The following MGLL variants were observed in gnomAD, a reference collection of about 807,000 sequenced individuals.
The protein encoded by MGLL is lysophospholipase homolog.
MGLL carries 7 observed loss-of-function variants against 29.1 expected under a neutral mutation model. The ratio of observed to expected loss-of-function variants is 0.24; its 90% CI spans 0.14 to 0.45. The LOEUF (loss-of-function observed/expected upper bound fraction) is 0.45. Ranked by LOEUF, MGLL falls within the 20% of genes least tolerant of loss-of-function variation. MGLL has a pLI of 0.99. For synonymous variants in MGLL, 148 were observed against 168.3 expected (o/e 0.88, Z 0.93); for missense variants, 356 against 413.6 (o/e 0.86, Z 1.21).
chr3:127,806,283 G>T (rs547629305), intron 2 of MGLL, among the ~76,000 whole-genome samples: 1 of 152,228 alleles, frequency 6.6e-6, no homozygotes, highest in Non-Finnish European at 1.5e-5. Flanking sequence ...GGACCATGGG[G>T]TCTTAATGAT....
At chr3:127,707,067 CG>C (rs1230739689) in intron 6 of MGLL, among the ~76,000 whole-genome samples, 5 of 152,104 alleles carry the variant, frequency 3.3e-5, no homozygotes, top group Admixed American at 1.3e-4. Flanking sequence ...TCATGGCTCC[CG>C]GGTGCTCAGA....
chr3:127,743,571 C>CT, intron 3 of MGLL, among the ~76,000 whole-genome samples: 1 of 49,822 alleles, frequency 2.0e-5, no homozygotes, highest in African/African-American at 1.0e-4. Flanking sequence ...TCCACTAATG[C>CT]TAAAAAAAAA....
intron 2 of MGLL, among the ~76,000 whole-genome samples, chr3:127,817,345 C>T (rs958962009): frequency 6.6e-6 from 1 of 152,190 alleles, no homozygotes; most frequent in Non-Finnish European, 1.5e-5. Flanking sequence ...ACACTTTAAG[C>T]CAGTTCCTTC....
chr3:127,715,535 C>G (rs2075796421), intron 5 of MGLL: 3 of 377,622 alleles, frequency 7.9e-6, no homozygotes, highest in South Asian at 5.9e-5. Context: ...AAGAGATCCC[C>G]TTTCCCTGCT....
chr3:127,693,515 G>A lies in MGLL; in HGVS notation c.817-1192C>T, dbSNP rs773717866. ...CACTGGCTGCTCTTCTTATGGCTGCGTGCCTATGCCAGCCTCAGGTCCTCA... is the reference window on the plus strand; with the variant it reads ...CACTGGCTGCTCTTCTTATGGCTGCATGCCTATGCCAGCCTCAGGTCCTCA... On this transcript the variant is annotated intron_variant, in intron 7 of 7. Transcript: ENST00000265052. 4.6e-5 allele frequency among the ~76,000 whole-genome samples: 7 copies of A among 152,216 alleles called. No individual in the cohort carries two copies. In the East Asian group the frequency reaches 7.7e-4, roughly 17 times the overall value.
At chr3:127,703,708 A>C (rs1193843024) in intron 6 of MGLL, among the ~76,000 whole-genome samples, 2 of 152,266 alleles carry the variant, frequency 1.3e-5, no homozygotes, top group East Asian at 3.8e-4. Flanking sequence ...GGACTACATC[A>C]GAAAGAAAAA....
chr3:127,755,011 T>G lies in MGLL; in HGVS notation c.262+26778A>C, dbSNP rs558335174. ...GGGTTTCCACGAGATGGTGGGGGTG[T>G]TTTATGTTTGTTTTCTCGGCATTTT... On this transcript the variant is annotated intron_variant, in intron 3 of 7. Coordinates refer to ENST00000265052, the MANE Select transcript of MGLL (RefSeq NM_007283.7). Among the ~76,000 whole-genome samples the G allele has an allele frequency of 1.7e-4, 26 of 151,724 alleles. No homozygotes were observed. The South Asian group carries it at 5.5e-3, about 32-fold the overall frequency.
intron 3 of MGLL, among the ~76,000 whole-genome samples, chr3:127,776,185 T>C (rs943445655): frequency 5.3e-5 from 8 of 152,150 alleles, no homozygotes; most frequent in African/African-American, 9.7e-5. Flanking sequence ...TGGCCTTCCA[T>C]CCTTCCAGGC....
intron 5 of MGLL, among the ~76,000 whole-genome samples, chr3:127,716,685 A>G (rs1186253891): frequency 2.0e-5 from 3 of 152,234 alleles, no homozygotes; most frequent in Non-Finnish European, 2.9e-5. Flanking sequence ...AGTGAATTTC[A>G]CTTCTGCCAG....
At chr3:127,777,623 T>C (rs545181684) in intron 3 of MGLL, among the ~76,000 whole-genome samples, 64 of 152,296 alleles carry the variant, frequency 4.2e-4, no homozygotes, top group Admixed American at 3.7e-3. Context: ...GAAAGCCACA[T>C]GCTAAGTAGT....
intron 2 of MGLL, among the ~76,000 whole-genome samples, chr3:127,797,248 T>C (rs1204165801): frequency 6.6e-6 from 1 of 152,258 alleles, no homozygotes; most frequent in East Asian, 1.9e-4. Context: ...TCCACTCAGC[T>C]TCTGGGACAT....
Position 127,694,970 on chromosome 3 carries a change from C to T in MGLL, c.816+5G>A, listed in dbSNP as rs747066011. On this transcript the variant is annotated splice_donor_5th_base_variant and intron_variant, in intron 7 of 7. Transcript: ENST00000265052. ...GGGGGAAGTGGGCAAGTGGCAGCCG[C>T]TCACCTTGAGAGTCTTGTCCTGGCT... 2.8e-5 allele frequency: 45 copies of T among 1,613,622 alleles called. No homozygotes were observed. Among genetic ancestry groups the T allele is most frequent in the Non-Finnish European group, 3.6e-5 (42 of 1,179,838 alleles).
At chr3:127,807,271 T>G (rs150637724) in intron 2 of MGLL, among the ~76,000 whole-genome samples, 4 of 152,314 alleles carry the variant, frequency 2.6e-5, no homozygotes. Flanking sequence ...TTGTTTATAG[T>G]ATTTCTTTAT....
intron 3 of MGLL, 118 bp downstream of exon 3, chr3:127,781,671 G>T: frequency 1.0e-6 from 1 of 979,396 alleles, no homozygotes; most frequent in South Asian, 1.3e-5. Context: ...TTTTTACTTT[G>T]AAACATCCGT....
intron 3 of MGLL, among the ~76,000 whole-genome samples, chr3:127,740,931 G>A (rs1401692673): frequency 1.3e-5 from 2 of 152,186 alleles, no homozygotes; most frequent in East Asian, 3.9e-4. Flanking sequence ...AGCTTTCCCT[G>A]GGGCTGGACT....
intron 2 of MGLL, among the ~76,000 whole-genome samples, chr3:127,793,188 C>T (rs914345782): frequency 1.1e-4 from 16 of 152,132 alleles, no homozygotes; most frequent in Non-Finnish European, 1.6e-4. Flanking sequence ...GAATGGCAGC[C>T]GCCCTGGCCC....
In MGLL at chr3:127,698,054, G is replaced by A. The variant is rs553268160; in HGVS notation, c.601-2864C>T. Among the ~76,000 whole-genome samples, 3 of 152,358 alleles carry A rather than the reference G, an allele frequency of 2.0e-5. No homozygotes were observed. The South Asian group carries it at 6.2e-4, about 32-fold the overall frequency. On this transcript the variant is annotated intron_variant, in intron 6 of 7. Coordinates refer to ENST00000265052, the MANE Select transcript of MGLL (RefSeq NM_007283.7). ...CTCTGCTTCTGAGTTTAATTGCACTGACGGCCCAAGCGGCTTCCTGCTCTT... is the reference window on the plus strand; with the variant it reads ...CTCTGCTTCTGAGTTTAATTGCACTAACGGCCCAAGCGGCTTCCTGCTCTT...
In MGLL at chr3:127,695,565, A is replaced by T. The variant is rs866791620; in HGVS notation, c.601-375T>A. Among the ~76,000 whole-genome samples the T allele has an allele frequency of 7.9e-5, 12 of 152,262 alleles. No individual in the cohort carries two copies. The South Asian group carries it at 1.0e-3, about 13-fold the overall frequency. Reference sequence around the variant, plus strand: ...CATGGTGAAACCACGTCTGTATGGGATTTTTTGTATTTTTGTAAAAATACA... The same window carrying T: ...CATGGTGAAACCACGTCTGTATGGGTTTTTTTGTATTTTTGTAAAAATACA... On this transcript the variant is annotated intron_variant, in intron 6 of 7. Coordinates refer to ENST00000265052, the MANE Select transcript of MGLL (RefSeq NM_007283.7).
chr3:127,749,104 C>G (rs771418086), intron 3 of MGLL, among the ~76,000 whole-genome samples: 1 of 152,168 alleles, frequency 6.6e-6, no homozygotes, highest in Non-Finnish European at 1.5e-5. Context: ...GGCAATGTGT[C>G]GAGATGCCTG....
Sources: allele counts gnomAD v4.1 joint callset (sites outside exome capture counted in the v4.1 genomes callset), GRCh38; gene constraint gnomAD v4.1.1; transcripts MANE v1.5; gene names NCBI Gene and HGNC (gene_info 2026-07-23, HGNC 2026-07-21).